Variants in CPA6 observed in about 807,000 individuals in gnomAD.
CPA6 encodes the protein carboxypeptidase B.
Under a neutral mutation model 63.3 loss-of-function variants are expected in CPA6, and 58 were observed. The ratio of observed to expected loss-of-function variants is 0.92; its 90% CI spans 0.74 to 1.14. The LOEUF (loss-of-function observed/expected upper bound fraction) is 1.14, where lower values mean the gene tolerates loss of function less well. Among genes scored for constraint, CPA6 ranks in the 50% most tolerant of loss-of-function variants. CPA6 has a pLI of 0.00. For missense variants in CPA6, 565 were observed against 526.6 expected (o/e 1.07, Z -0.71); for synonymous variants, 185 against 179.0 (o/e 1.03, Z -0.27).
intron 1 of CPA6, among the ~76,000 whole-genome samples, chr8:67,740,530 T>C (rs952276168): frequency 6.6e-6 from 1 of 152,180 alleles, no homozygotes; most frequent in African/African-American, 2.4e-5. Flanking sequence ...CCACATCCAA[T>C]GTGTAGTCTC....
chr8:67,447,506 TACACACAC>T (rs56840320), intron 8 of CPA6, among the ~76,000 whole-genome samples: 2,132 of 142,624 alleles, frequency 0.015, 25 homozygotes, highest in African/African-American at 0.034. Context: ...TATGTGTGTA[TACACACAC>T]ACACACACAC....
chr8:67,725,744 C>T (rs1172601034), intron 1 of CPA6, among the ~76,000 whole-genome samples: 2 of 152,136 alleles, frequency 1.3e-5, no homozygotes, highest in Non-Finnish European at 2.9e-5. Flanking sequence ...AGGCTGGTCT[C>T]AAGCAATCTT....
At chr8:67,424,882 C>A (rs534515030) in intron 10 of CPA6, among the ~76,000 whole-genome samples, 20 of 152,328 alleles carry the variant, frequency 1.3e-4, no homozygotes, top group African/African-American at 4.3e-4. Context: ...GCTACTCTCT[C>A]CTTCTGGCTC....
intron 1 of CPA6, among the ~76,000 whole-genome samples, chr8:67,718,870 C>CCTTGTGA (rs1480925270): frequency 1.3e-5 from 2 of 152,224 alleles, no homozygotes; most frequent in African/African-American, 4.8e-5. Context: ...TGGTCTCAAT[C>CCTTGTGA]TCCTGACCTT....
chr8:67,741,924 C>A (rs896978577), intron 1 of CPA6, among the ~76,000 whole-genome samples: 2 of 152,100 alleles, frequency 1.3e-5, no homozygotes, highest in South Asian at 4.2e-4. Flanking sequence ...AAAACCAGTC[C>A]CTGTTGCCAA....
At chr8:67,596,407 G>A (rs1338817717) in intron 2 of CPA6, among the ~76,000 whole-genome samples, 1 of 152,118 alleles carries the variant, frequency 6.6e-6, no homozygotes, top group Admixed American at 6.5e-5. Context: ...CTGTTAAGCT[G>A]CTTGTTTTAG....
At chr8:67,735,312 G>A (rs1368390973) in intron 1 of CPA6, 1 of 152,206 alleles carries the variant, frequency 6.6e-6, no homozygotes, top group African/African-American at 2.4e-5. Flanking sequence ...GATAAGAAAT[G>A]ACAGTCAGGA....
At chr8:67,668,947 G>A (rs924716551) in intron 1 of CPA6, among the ~76,000 whole-genome samples, 16 of 152,240 alleles carry the variant, frequency 1.1e-4, no homozygotes, top group African/African-American at 3.9e-4. Context: ...GTGGATGCTC[G>A]CCTGCAGGTA....
intron 2 of CPA6, among the ~76,000 whole-genome samples, chr8:67,540,931 T>C (rs1009351580): frequency 6.6e-6 from 1 of 152,198 alleles, no homozygotes; most frequent in Non-Finnish European, 1.5e-5. Context: ...GGATCTTAGC[T>C]TGCTGGGCTC....
intron 2 of CPA6, among the ~76,000 whole-genome samples, chr8:67,554,366 C>G (rs1813013702): frequency 6.6e-6 from 1 of 152,068 alleles, no homozygotes; most frequent in South Asian, 2.1e-4. Context: ...AGGTGCTACA[C>G]AATTTTAAAC....
At chr8:67,660,180 C>A (rs1001869395) in intron 1 of CPA6, among the ~76,000 whole-genome samples, 1 of 152,070 alleles carries the variant, frequency 6.6e-6, no homozygotes, top group Non-Finnish European at 1.5e-5. Flanking sequence ...GTCTGATTCA[C>A]TATGGCAGCA....
intron 8 of CPA6, among the ~76,000 whole-genome samples, chr8:67,440,045 G>T (rs7008075): frequency 0.16 from 23,740 of 152,106 alleles, 1,977 homozygotes; most frequent in East Asian, 0.24. Context: ...GTTTCCTAAG[G>T]CTGCCGTAAC....
At chr8:67,680,001 G>A (rs1433089153) in intron 1 of CPA6, among the ~76,000 whole-genome samples, 1 of 152,138 alleles carries the variant, frequency 6.6e-6, no homozygotes, top group African/African-American at 2.4e-5. Context: ...AAACTGACTT[G>A]CATGTAGCTT....
At chr8:67,559,000 CCTGT>C (rs1168153059) in intron 2 of CPA6, among the ~76,000 whole-genome samples, 1 of 152,110 alleles carries the variant, frequency 6.6e-6, no homozygotes, top group African/African-American at 2.4e-5. Context: ...ATTTTACCAC[CCTGT>C]CTAATGTTGA....
At chr8:67,590,430 G>T (rs1388214363) in intron 2 of CPA6, among the ~76,000 whole-genome samples, 2 of 151,250 alleles carry the variant, frequency 1.3e-5, no homozygotes, top group Non-Finnish European at 1.5e-5. Flanking sequence ...GGGTCAAACG[G>T]TATTTCTAGT....
At chr8:67,662,462 T>TAC (rs1189653110) in intron 1 of CPA6, among the ~76,000 whole-genome samples, 2 of 149,348 alleles carry the variant, frequency 1.3e-5, no homozygotes, top group African/African-American at 2.5e-5. Flanking sequence ...ATAGAATACA[T>TAC]ACACACGTAT....
At chr8:67,535,111 C>T (rs1057230588) in intron 2 of CPA6, among the ~76,000 whole-genome samples, 14 of 152,112 alleles carry the variant, frequency 9.2e-5, no homozygotes, top group African/African-American at 2.9e-4. Flanking sequence ...CAGTCTATCA[C>T]TGATGGGCAT....
At chr8:67,631,935 G>A (rs1291009996) in intron 1 of CPA6, among the ~76,000 whole-genome samples, 1 of 151,958 alleles carries the variant, frequency 6.6e-6, no homozygotes, top group Non-Finnish European at 1.5e-5. Flanking sequence ...AAAAACCTCT[G>A]AACATGTCCG....
chr8:67,644,306 G>A (rs925904220), intron 1 of CPA6, among the ~76,000 whole-genome samples: 7 of 152,142 alleles, frequency 4.6e-5, no homozygotes, highest in African/African-American at 1.7e-4. Flanking sequence ...TTTTAGTAGA[G>A]ACGGCGTTTC....
Sources: gnomAD v4.1 joint callset for allele counts (sites outside exome capture counted in the v4.1 genomes callset) on GRCh38, gnomAD v4.1.1 for gene constraint, MANE v1.5 for transcripts, NCBI Gene and HGNC (gene_info 2026-07-23, HGNC 2026-07-21) for gene names.